The following GLT8D2 variants were observed in gnomAD, a reference collection of about 807,000 sequenced individuals.
The protein encoded by GLT8D2 is glycosyltransferase 8 domain-containing protein 2.
Under a neutral mutation model 44.5 loss-of-function variants are expected in GLT8D2, and 45 were observed. That is an observed-to-expected ratio of 1.01 (90% CI 0.80 to 1.30). The LOEUF is 1.30. GLT8D2 is among the 50% of genes most tolerant of loss of function. GLT8D2 has a pLI of 0.00. For synonymous variants in GLT8D2, 156 were observed against 157.2 expected, an observed-to-expected ratio of 0.99 and a Z score of 0.06; for missense variants, 400 against 430.4, an observed-to-expected ratio of 0.93 and a Z score of 0.62.
intron 5 of GLT8D2, among the ~76,000 whole-genome samples, chr12:104,002,534 A>G (rs780467937): frequency 6.6e-6 from 1 of 152,206 alleles, no homozygotes; most frequent in East Asian, 1.9e-4. Context: ...GCTCAGAGAG[A>G]CACTCTCCAA....
intron 4 of GLT8D2, among the ~76,000 whole-genome samples, chr12:104,011,014 G>T (rs528647056): frequency 6.6e-6 from 1 of 152,358 alleles, no homozygotes; most frequent in Admixed American, 6.5e-5. Flanking sequence ...TGAGTGTCCA[G>T]CTCTGCTGCC....
At chr12:104,029,062 C>T (rs903117009) in intron 1 of GLT8D2, among the ~76,000 whole-genome samples, 5 of 152,098 alleles carry the variant, frequency 3.3e-5, no homozygotes. Context: ...GAGGCTGAGG[C>T]AGGTGGATCA....
chr12:104,056,858 T>C (rs1038644973), intron 1 of GLT8D2, among the ~76,000 whole-genome samples: 1 of 152,262 alleles, frequency 6.6e-6, no homozygotes, highest in East Asian at 1.9e-4. Context: ...ATCTGTTATT[T>C]AGTTATGCAC....
chr12:104,010,891 G>A (rs1875747753), intron 4 of GLT8D2, among the ~76,000 whole-genome samples: 1 of 152,214 alleles, frequency 6.6e-6, no homozygotes, highest in African/African-American at 2.4e-5. Context: ...AAAAGCTGGG[G>A]CTGTGCCTGG....
intron 1 of GLT8D2, among the ~76,000 whole-genome samples, chr12:104,026,488 T>G (rs1173492386): frequency 6.6e-6 from 1 of 152,162 alleles, no homozygotes; most frequent in African/African-American, 2.4e-5. Context: ...ATATACCTGT[T>G]AAGACTTTGT....
chr12:104,015,608 A>C (rs756674559), intron 3 of GLT8D2, among the ~76,000 whole-genome samples: 80 of 152,052 alleles, frequency 5.3e-4, no homozygotes, highest in Non-Finnish European at 1.8e-4. Flanking sequence ...AGAAAGAATT[A>C]ACCTGGAACA....
chr12:104,021,933 GAAGAAGAAGAAGA>G (rs1877796538), intron 1 of GLT8D2, among the ~76,000 whole-genome samples: 1 of 24,822 alleles, frequency 4.0e-5, no homozygotes, highest in African/African-American at 1.4e-4. Flanking sequence ...AGAAGAAGAA[GAAGAAGAAGAAGA>G]AGAAGAAGAG....
chr12:103,994,143 T>G (rs1035517924), intron 9 of GLT8D2, 192 bp downstream of exon 9: 2 of 418,726 alleles, frequency 4.8e-6, no homozygotes, highest in Admixed American at 4.2e-5. Context: ...AGGATCTTGA[T>G]TCCTCTGATT....
chr12:104,022,041 GAA>G (rs1486440122), intron 1 of GLT8D2, among the ~76,000 whole-genome samples: 1 of 95,408 alleles, frequency 1.0e-5, no homozygotes, highest in African/African-American at 5.0e-5. Context: ...AGAAGAAGAA[GAA>G]GAAGAAGAAG....
At chr12:103,993,803 A>G (rs1292790903) in intron 9 of GLT8D2, 2 of 256,586 alleles carry the variant, frequency 7.8e-6, no homozygotes, top group Non-Finnish European at 1.5e-5. Context: ...ATTATTTAGA[A>G]TAACTTTACT....
intron 1 of GLT8D2, among the ~76,000 whole-genome samples, chr12:104,043,519 T>C (rs1021525151): frequency 6.6e-6 from 1 of 152,344 alleles, no homozygotes; most frequent in South Asian, 2.1e-4. Flanking sequence ...CAAGCTGGAA[T>C]GCAGTGGCAC....
intron 1 of GLT8D2, among the ~76,000 whole-genome samples, chr12:104,029,130 A>T (rs1348295373): frequency 2.0e-5 from 3 of 152,116 alleles, no homozygotes; most frequent in Non-Finnish European, 4.4e-5. Flanking sequence ...TCTCTACTAA[A>T]AACACAAAAA....
At chr12:104,042,153 T>C (rs540936743) in intron 1 of GLT8D2, among the ~76,000 whole-genome samples, 1 of 152,316 alleles carries the variant, frequency 6.6e-6, no homozygotes, top group Admixed American at 6.5e-5. Flanking sequence ...CAGCCTTCTT[T>C]GCAGCTAGTA....
intron 2 of GLT8D2, among the ~76,000 whole-genome samples, chr12:104,020,938 G>A (rs1877547485): frequency 6.6e-6 from 1 of 152,134 alleles, no homozygotes; most frequent in Admixed American, 6.6e-5. Context: ...AGAGGAGTTT[G>A]GATTTTATTT....
chr12:104,013,523 G>A (rs35129235), intron 4 of GLT8D2, among the ~76,000 whole-genome samples: 11,519 of 152,088 alleles, frequency 0.076, 593 homozygotes, highest in East Asian at 0.19. Context: ...TTGTATATAT[G>A]TCTTTGTATG....
intron 1 of GLT8D2, among the ~76,000 whole-genome samples, chr12:104,055,232 G>A (rs1168844668): frequency 6.6e-6 from 1 of 152,208 alleles, no homozygotes; most frequent in African/African-American, 2.4e-5. Context: ...TGTTGGTAGT[G>A]TCTCCCATTG....
intron 1 of GLT8D2, among the ~76,000 whole-genome samples, chr12:104,059,176 G>A (rs1189397975): frequency 6.6e-6 from 1 of 152,164 alleles, no homozygotes; most frequent in Non-Finnish European, 1.5e-5. Context: ...TACATGTATA[G>A]AATACATAAT....
At chr12:104,033,849 G>A (rs1207688032) in intron 1 of GLT8D2, among the ~76,000 whole-genome samples, 1 of 150,490 alleles carries the variant, frequency 6.6e-6, no homozygotes, top group African/African-American at 2.4e-5. Context: ...TTCAGAGACA[G>A]GATTGTCACC....
chr12:104,057,360 A>G (rs1031008612), intron 1 of GLT8D2, among the ~76,000 whole-genome samples: 8 of 152,120 alleles, frequency 5.3e-5, no homozygotes, highest in African/African-American at 1.9e-4. Context: ...GTCTCTACAA[A>G]AAATAAAAAA....
Sources: allele counts gnomAD v4.1 joint callset (sites outside exome capture counted in the v4.1 genomes callset), GRCh38; gene constraint gnomAD v4.1.1; transcripts MANE v1.5; gene names NCBI Gene and HGNC (gene_info 2026-07-23, HGNC 2026-07-21).